KCNK9: variants seen among roughly 807,000 people sequenced by gnomAD.
KCNK9 encodes potassium channel subfamily K member 9.
In KCNK9, 1 loss-of-function variant was observed where a neutral mutation model predicts 10.8. That is an observed-to-expected ratio of 0.09 (90% CI 0.03 to 0.44). The LOEUF is 0.44. Among genes scored for constraint, KCNK9 ranks in the 20% least tolerant of loss-of-function variants. The pLI is 0.97. For synonymous variants in KCNK9, 231 were observed against 222.7 expected, an observed-to-expected ratio of 1.04 and a Z score of -0.33; for missense variants, 303 against 515.0, an observed-to-expected ratio of 0.59 and a Z score of 3.98.
intron 1 of KCNK9, among the ~76,000 whole-genome samples, chr8:139,665,873 G>A (rs1001323642): frequency 1.3e-5 from 2 of 152,228 alleles, no homozygotes; most frequent in African/African-American, 4.8e-5. Flanking sequence ...AGGTGAAGCT[G>A]GCACTGCTGG....
intron 1 of KCNK9, among the ~76,000 whole-genome samples, chr8:139,698,877 G>T (rs1817128781): frequency 6.6e-6 from 1 of 152,188 alleles, no homozygotes; most frequent in Non-Finnish European, 1.5e-5. Context: ...TTTCCAGCAG[G>T]TACAGGCCTG....
intron 1 of KCNK9, among the ~76,000 whole-genome samples, chr8:139,677,771 AATGTGTCCC>A (rs1439378514): frequency 0.01 from 1,516 of 144,590 alleles, 103 homozygotes; most frequent in African/African-American, 0.041. Context: ...ATCTGATCCC[AATGTGTCCC>A]CATGGCTGCA....
Position 139,693,823 on chromosome 8 carries a change from G to A in KCNK9, c.283+8887C>T, listed in dbSNP as rs1268459613. Reference sequence around the variant, plus strand: ...TGGGGAGCTGCTGGGGTCTGGGGCAGGGCGAAGATGGCAGCCATGGGCTTT... The same window carrying A: ...TGGGGAGCTGCTGGGGTCTGGGGCAAGGCGAAGATGGCAGCCATGGGCTTT... On this transcript the variant is annotated intron_variant, in intron 1 of 1. Transcript: ENST00000520439. This position sits in a 1 kb window ranked among gnomAD's most constrained non-coding sequence, Gnocchi z 4.1. Among the ~76,000 whole-genome samples the A allele has an allele frequency of 6.6e-6, 1 of 152,178 alleles. No individual in the cohort carries two copies. Among genetic ancestry groups the A allele is most frequent in the Non-Finnish European group, 1.5e-5 (1 of 68,026 alleles).
At chr8:139,683,460 T>C (rs1201303975) in intron 1 of KCNK9, among the ~76,000 whole-genome samples, 2 of 152,232 alleles carry the variant, frequency 1.3e-5, no homozygotes, top group Non-Finnish European at 2.9e-5. Context: ...AGATGCCAAA[T>C]GAAGCAGCTG....
intron 1 of KCNK9, among the ~76,000 whole-genome samples, chr8:139,687,014 G>A (rs1223737024): frequency 6.6e-5 from 10 of 152,090 alleles, no homozygotes; most frequent in Non-Finnish European, 1.5e-4. Context: ...AGAATGCAAA[G>A]TAAGTGTTTA....
chr8:139,684,689 A>G (rs1816753754), intron 1 of KCNK9, among the ~76,000 whole-genome samples: 1 of 152,216 alleles, frequency 6.6e-6, no homozygotes, highest in Non-Finnish European at 1.5e-5. Flanking sequence ...AGCTTCAAAA[A>G]ACATAAAACT....
At chr8:139,676,528 C>T (rs1324838988) in intron 1 of KCNK9, among the ~76,000 whole-genome samples, 1 of 152,220 alleles carries the variant, frequency 6.6e-6, no homozygotes, top group African/African-American at 2.4e-5. Flanking sequence ...CTCAAAGGGC[C>T]TTCTAGACCC....
At chr8:139,623,279 T>C (rs903164800) in intron 1 of KCNK9, among the ~76,000 whole-genome samples, 2 of 152,170 alleles carry the variant, frequency 1.3e-5, no homozygotes, top group Non-Finnish European at 2.9e-5. Flanking sequence ...TTTTTTCCCA[T>C]CTGCAAATGA....
chr8:139,669,438 T>A (rs2129729344), intron 1 of KCNK9, among the ~76,000 whole-genome samples: 1 of 152,362 alleles, frequency 6.6e-6, no homozygotes, highest in Admixed American at 6.5e-5. Context: ...ATATTCTAAA[T>A]CCCTTGTTGT....
chr8:139,655,467 G>A (rs1388125247), intron 1 of KCNK9, among the ~76,000 whole-genome samples: 4 of 152,194 alleles, frequency 2.6e-5, no homozygotes, highest in Non-Finnish European at 5.9e-5. Flanking sequence ...GGGGCTGGGG[G>A]AGGAAGGGGC....
intron 1 of KCNK9, among the ~76,000 whole-genome samples, chr8:139,660,784 A>C (rs1816133344): frequency 6.6e-6 from 1 of 152,138 alleles, no homozygotes; most frequent in Non-Finnish European, 1.5e-5. Flanking sequence ...TTGAGAAGAT[A>C]TGTCTTGCAA....
intron 1 of KCNK9, among the ~76,000 whole-genome samples, chr8:139,625,638 A>G (rs942847820): frequency 6.6e-6 from 1 of 151,394 alleles, no homozygotes; most frequent in African/African-American, 2.4e-5. Context: ...TCTTTAATAT[A>G]CTTAGTGGGT....
intron 1 of KCNK9, among the ~76,000 whole-genome samples, chr8:139,664,005 G>T (rs938816264): frequency 1.3e-5 from 2 of 152,176 alleles, no homozygotes; most frequent in Non-Finnish European, 2.9e-5. Flanking sequence ...TCTGGAGAAC[G>T]CTGCGAGGGC....
At chr8:139,646,552 A>T (rs1161123153) in intron 1 of KCNK9, among the ~76,000 whole-genome samples, 1 of 152,234 alleles carries the variant, frequency 6.6e-6, no homozygotes, top group African/African-American at 2.4e-5. Flanking sequence ...ACCCAGAAGC[A>T]GTCTCTTACA....
chr8:139,677,694 A>ACT (rs1816585620), intron 1 of KCNK9, among the ~76,000 whole-genome samples: 1 of 151,948 alleles, frequency 6.6e-6, no homozygotes, highest in African/African-American at 2.4e-5. Context: ...GTGGGTTCCC[A>ACT]CAGCTGCAGA....
chr8:139,698,383 G>GCC (rs1466877242), intron 1 of KCNK9, among the ~76,000 whole-genome samples: 1 of 152,218 alleles, frequency 6.6e-6, no homozygotes, highest in Admixed American at 6.5e-5. Context: ...CACAGGTAGG[G>GCC]CCTGGAGCAG....
chr8:139,700,187 G>C (rs754489846), intron 1 of KCNK9, among the ~76,000 whole-genome samples: 1 of 152,234 alleles, frequency 6.6e-6, no homozygotes, highest in African/African-American at 2.4e-5. Context: ...GGCTCGATCA[G>C]GCTTCGTCCA....
chr8:139,672,032 C>A (rs1816440890), intron 1 of KCNK9, among the ~76,000 whole-genome samples: 1 of 152,196 alleles, frequency 6.6e-6, no homozygotes, highest in Admixed American at 6.5e-5. Context: ...CGGCTTGAGG[C>A]TAGGAGAACA....
At chr8:139,610,675 C>A (rs2130085894), downstream of KCNK9, among the ~76,000 whole-genome samples, 1 of 152,232 alleles carries the variant, frequency 6.6e-6, no homozygotes, top group South Asian at 2.1e-4. Flanking sequence ...GGGGGAGGAC[C>A]CAGGAGGGAC....
Sources: gnomAD v4.1 joint callset for allele counts (sites outside exome capture counted in the v4.1 genomes callset) on GRCh38, gnomAD v4.1.1 for gene constraint, Gnocchi (gnomAD v3.1) non-coding constraint, MANE v1.5 for transcripts, NCBI Gene and HGNC (gene_info 2026-07-23, HGNC 2026-07-21) for gene names.